NPEPL1: variants seen among roughly 807,000 people sequenced by gnomAD.
NPEPL1 encodes the protein aminopeptidase like 1.
A neutral mutation model predicts 52.4 loss-of-function variants in NPEPL1; 45 were observed. The observed-to-expected ratio is 0.86, with a 90% CI of 0.68 to 1.10. NPEPL1 has a LOEUF of 1.10. Ranked by LOEUF, NPEPL1 falls within the 50% of genes least tolerant of loss-of-function variation. NPEPL1 has a pLI of 0.00. For missense variants in NPEPL1, 696 were observed against 710.9 expected (o/e 0.98, Z 0.24); for synonymous variants, 360 against 314.7 (o/e 1.14, Z -1.52).
At chr20:58,699,325 C>T (rs751876149) in intron 5 of NPEPL1, 47 bp downstream of exon 5, 3 of 1,476,860 alleles carry the variant, frequency 2.0e-6, no homozygotes, top group Non-Finnish European at 2.8e-6. Context: ...GGGCAGTGGC[C>T]AGGGGCACTT....
chr20:58,702,406 T>G (rs2084648587), intron 6 of NPEPL1, among the ~76,000 whole-genome samples: 1 of 152,224 alleles, frequency 6.6e-6, no homozygotes, highest in Non-Finnish European at 1.5e-5. Flanking sequence ...CTGGTGCAGC[T>G]CGCCGCGCTC....
At chr20:58,698,901 G>A in intron 4 of NPEPL1, 128 bp downstream of exon 4, 1 of 769,192 alleles carries the variant, frequency 1.3e-6, no homozygotes, top group South Asian at 1.7e-5. Context: ...GGCTGCCCTC[G>A]GCGGAGCGCT....
intron 3 of NPEPL1, among the ~76,000 whole-genome samples, chr20:58,697,992 C>T (rs2084526587): frequency 6.6e-6 from 1 of 152,254 alleles, no homozygotes; most frequent in South Asian, 2.1e-4. Context: ...CGAGACCTCC[C>T]TCTGTGTCCT....
intron 5 of NPEPL1, 41 bp from the exon 6 acceptor site, chr20:58,700,975 T>TCAGCC (rs1158254880): frequency 2.7e-6 from 4 of 1,455,476 alleles, no homozygotes; most frequent in Non-Finnish European, 3.6e-6. Context: ...CCCGCTCAGC[T>TCAGCC]CAGCCCGAGC....
At chr20:58,690,929 C>A (rs2084332761), upstream of NPEPL1, 1 of 540,474 alleles carries the variant, frequency 1.9e-6, no homozygotes, top group Admixed American at 3.1e-5. Flanking sequence ...AGCCAGGCTC[C>A]CCAGTCGATC....
intron 7 of NPEPL1, 149 bp downstream of exon 7, chr20:58,707,349 CTTCTGGGGCCCCCAGAGCTT>C: frequency 1.3e-6 from 1 of 775,334 alleles, no homozygotes; most frequent in Non-Finnish European, 2.0e-6. Context: ...CCCCCAGGCT[CTTCTGGGGCCCCCAGAGCTT>C]CCCGCCTTCA....
Position 58,713,398 on chromosome 20 carries a change from G to T in NPEPL1, c.1002-22G>T. 1 of 1,578,838 alleles carries T rather than the reference G, an allele frequency of 6.3e-7. No individual in the cohort carries two copies. Among genetic ancestry groups the T allele is most frequent in the Non-Finnish European group, 8.6e-7 (1 of 1,158,918 alleles). On this transcript the variant is annotated intron_variant, in intron 8 of 11. Coordinates refer to ENST00000356091, the MANE Select transcript of NPEPL1 (RefSeq NM_024663.4). This position sits in a 1 kb window ranked among gnomAD's most constrained non-coding sequence, Gnocchi z 4.6. ...GTCCCAGGAAATCCCGTCCCTGAGC[G>T]GGGATCTCTACCATGCCCCAGGACG...
intron 4 of NPEPL1, 124 bp from the exon 5 acceptor site, chr20:58,699,073 C>T: frequency 1.1e-6 from 1 of 904,564 alleles, no homozygotes; most frequent in Non-Finnish European, 1.8e-6. Flanking sequence ...GAAGCTGGCT[C>T]CCAAGCCCGG....
At chr20:58,712,215 C>T (rs1011687449) in intron 7 of NPEPL1, among the ~76,000 whole-genome samples, 1 of 152,146 alleles carries the variant, frequency 6.6e-6, no homozygotes, top group Non-Finnish European at 1.5e-5. Context: ...TCCAAGAGTC[C>T]CACAGCCCAG....
intron 6 of NPEPL1, among the ~76,000 whole-genome samples, chr20:58,705,753 G>A (rs576960274): frequency 1.1e-4 from 16 of 152,324 alleles, no homozygotes; most frequent in Admixed American, 3.3e-4. Flanking sequence ...CAGCTGTGAC[G>A]GGGGAGACAT....
intron 7 of NPEPL1, among the ~76,000 whole-genome samples, chr20:58,712,131 T>G (rs886549375): frequency 6.6e-6 from 1 of 151,720 alleles, no homozygotes; most frequent in Non-Finnish European, 1.5e-5. Flanking sequence ...GTGTGTGTAT[T>G]GAGGGGACGC....
chr20:58,700,802 T>C (rs1007964147), intron 5 of NPEPL1, among the ~76,000 whole-genome samples: 6 of 152,252 alleles, frequency 3.9e-5, no homozygotes, highest in Non-Finnish European at 8.8e-5. Flanking sequence ...AACAACACTT[T>C]GCATAGAATT....
Position 58,715,285 on chromosome 20 carries a change from G to C in NPEPL1, c.1531G>C (p.Gly511Arg). The change falls in exon 12 of 12, where the codon GGG becomes CGG. Residue 511 changes from glycine (G) to arginine (R), a missense_variant. By Grantham distance (125) the Gly-to-Arg change is moderately radical. Coordinates refer to ENST00000356091, the MANE Select transcript of NPEPL1 (RefSeq NM_024663.4). ...GGGCTGTGAGGTGGATGTCGAGGAG[G>C]GGGACCTGGGGAGGGACTCCAAGAG... ...PLGCEVDVEEGDLGRDSKRRR... is the reference protein window; with the variant it reads ...PLGCEVDVEERDLGRDSKRRR... 6.2e-7 allele frequency: 1 copy of C among 1,611,456 alleles called. No individual in the cohort carries two copies. Among genetic ancestry groups the C allele is most frequent in the Non-Finnish European group, 8.5e-7 (1 of 1,179,228 alleles).
intron 3 of NPEPL1, among the ~76,000 whole-genome samples, chr20:58,695,744 C>T (rs2084475100): frequency 6.6e-6 from 1 of 152,210 alleles, no homozygotes; most frequent in Admixed American, 6.5e-5. Context: ...GATAGCTCCC[C>T]TTTTTTCCCT....
intron 7 of NPEPL1, 125 bp downstream of exon 7, chr20:58,707,325 T>C (rs2296529): frequency 0.25 from 223,433 of 880,670 alleles, 36,082 homozygotes; most frequent in African/African-American, 0.7. Context: ...CAGCGGATGC[T>C]TGTCCCCCCT....
chr20:58,700,994 G>C, intron 5 of NPEPL1, 22 bp from the exon 6 acceptor site: 1 of 1,541,918 alleles, frequency 6.5e-7, no homozygotes, highest in Non-Finnish European at 8.8e-7. Flanking sequence ...GCCTAACCCA[G>C]TTCTCCCCAC....
At chr20:58,691,955 C>CG, upstream of NPEPL1, 4 of 704,664 alleles carry the variant, frequency 5.7e-6, no homozygotes, top group South Asian at 6.3e-5. Flanking sequence ...CAAGGCTCAC[C>CG]CCTGGCTCCT....
Position 58,699,247 on chromosome 20 carries a change from G to C in NPEPL1, c.648G>C (p.Arg216=), listed in dbSNP as rs371417124. Residue 216 remains arginine, a synonymous_variant, in exon 5 of 12, where the codon CGG becomes CGC. Coordinates refer to ENST00000356091, the MANE Select transcript of NPEPL1 (RefSeq NM_024663.4). ...KELGIIPTII[R]DEELKTRGFG... ...TGGGGATCATCCCAACCATCATCCGGGATGAGGAACTGAAGACGAGAGGAT... is the reference window on the plus strand; with the variant it reads ...TGGGGATCATCCCAACCATCATCCGCGATGAGGAACTGAAGACGAGAGGAT... The C allele has an allele frequency of 2.4e-5, 38 of 1,607,622 alleles. No homozygotes were observed. Among genetic ancestry groups the C allele is most frequent in the Non-Finnish European group, 3.1e-5 (37 of 1,177,182 alleles).
In NPEPL1 at chr20:58,696,733, G is replaced by A. The variant is rs150366872; in HGVS notation, c.508-1951G>A. On this transcript the variant is annotated intron_variant, in intron 3 of 11. Coordinates refer to ENST00000356091, the MANE Select transcript of NPEPL1 (RefSeq NM_024663.4). The stretch of plus-strand genomic sequence containing the variant: ...GGCACATCTGGGTGTGTGCAAGGTG[G>A]CATCTTCTGAGTGCTGTCAGCTGTC... 1.7e-3 allele frequency among the ~76,000 whole-genome samples: 261 copies of A among 152,374 alleles called. No homozygotes were observed. The Middle Eastern group carries it at 0.024, about 14-fold the overall frequency.
Sources: allele counts gnomAD v4.1 joint callset (sites outside exome capture counted in the v4.1 genomes callset), GRCh38; gene constraint gnomAD v4.1.1; non-coding constraint Gnocchi (gnomAD v3.1); transcripts MANE v1.5; gene names NCBI Gene and HGNC (gene_info 2026-07-23, HGNC 2026-07-21).